The following LPCAT1 variants were observed in gnomAD, a reference collection of about 807,000 sequenced individuals.
LPCAT1 encodes lysophosphatidylcholine acyltransferase 1, also known as 1-acylglycerol-3-phosphate O-acyltransferase.
A neutral mutation model predicts 60.9 loss-of-function variants in LPCAT1; 23 were observed. The ratio of observed to expected loss-of-function variants is 0.38; its 90% CI spans 0.27 to 0.53. The LOEUF is 0.53. LPCAT1 is among the 20% of genes least tolerant of loss of function. The pLI is 0.82. For missense variants in LPCAT1, 622 were observed against 723.6 expected (o/e 0.86, Z 1.61); for synonymous variants, 340 against 301.1 (o/e 1.13, Z -1.34).
At chr5:1,513,262 T>C (rs967198943) in intron 1 of LPCAT1, among the ~76,000 whole-genome samples, 3 of 152,184 alleles carry the variant, frequency 2.0e-5, no homozygotes, top group African/African-American at 4.8e-5. Context: ...CCTGAAGGGT[T>C]TGGGACACCC....
In LPCAT1 at chr5:1,476,200, A is replaced by C. The variant is rs551025175; in HGVS notation, c.899+1204T>G. Among the ~76,000 whole-genome samples, 55 of 152,280 alleles carry C rather than the reference A, an allele frequency of 3.6e-4. No homozygotes were observed. The highest frequency in any genetic ancestry group is 1.3e-3 in the African/African-American group (54 of 41,570). On this transcript the variant is annotated intron_variant, in intron 9 of 13. Transcript: ENST00000283415. The surrounding 1 kb of genome is among the most constrained non-coding windows in gnomAD (Gnocchi z 8.6). ...CTCTTCCTCCTAAGTCCCCAAAAGT[A>C]GCCAGTATTGGCAGCAGTCCGGAGC...
intron 1 of LPCAT1, among the ~76,000 whole-genome samples, chr5:1,509,784 G>A (rs1036493997): frequency 4.6e-5 from 7 of 152,180 alleles, no homozygotes; most frequent in Admixed American, 3.3e-4. Context: ...CATAGTTAAC[G>A]ATACTAAAAG....
In LPCAT1 at chr5:1,495,489, ATAAAG is replaced by A. The variant is rs914785188; in HGVS notation, c.279-580_279-576del. ...ATTAGATGGCCAATAAATTTGGAAA[ATAAAG>A]TAAAAATCAGCCTAGGTTAACTGAA... On this transcript the variant is annotated intron_variant, in intron 2 of 13. Coordinates refer to ENST00000283415, the MANE Select transcript of LPCAT1 (RefSeq NM_024830.5). The surrounding 1 kb of genome is among the most constrained non-coding windows in gnomAD (Gnocchi z 4.7). 6.6e-6 allele frequency among the ~76,000 whole-genome samples: 1 copy of A among 152,174 alleles called. No homozygotes were observed. The highest frequency in any genetic ancestry group is 1.5e-5 in the Non-Finnish European group (1 of 68,030).
At chr5:1,479,993 C>T (rs924711184) in intron 7 of LPCAT1, among the ~76,000 whole-genome samples, 2 of 151,998 alleles carry the variant, frequency 1.3e-5, no homozygotes, top group Admixed American at 6.5e-5. Flanking sequence ...TGTCCCTCCT[C>T]GCTGTCCCCA....
chr5:1,483,378 G>A lies in LPCAT1; in HGVS notation c.726+50C>T, dbSNP rs369834513. 86 of 1,591,628 alleles carry A rather than the reference G, an allele frequency of 5.4e-5. No homozygotes were observed. Among genetic ancestry groups the A allele is most frequent in the Admixed American group, 1.0e-4 (6 of 59,970 alleles). On this transcript the variant is annotated intron_variant, in intron 6 of 13. Transcript: ENST00000283415. The surrounding 1 kb of genome is among the most constrained non-coding windows in gnomAD (Gnocchi z 9.2). ...TGCACAGAGGCAGCTCGCAGTTCCC[G>A]TTTCCCGGAGAATTCCCCTGGAAGC...
intron 1 of LPCAT1, among the ~76,000 whole-genome samples, chr5:1,515,120 T>TG (rs1473222272): frequency 6.7e-6 from 1 of 149,726 alleles, no homozygotes; most frequent in African/African-American, 2.5e-5. Flanking sequence ...GTCCCCAGCC[T>TG]GCTGGCCCTT....
chr5:1,495,060 T>A lies in LPCAT1; in HGVS notation c.279-146A>T, dbSNP rs987394493. ...TGGTCGCCGCCGCTGGGACATCTGCTTGAGGGAAGAAAAGACGCCGCGCCT... is the reference window on the plus strand; with the variant it reads ...TGGTCGCCGCCGCTGGGACATCTGCATGAGGGAAGAAAAGACGCCGCGCCT... On this transcript the variant is annotated intron_variant, in intron 2 of 13. Coordinates refer to ENST00000283415, the MANE Select transcript of LPCAT1 (RefSeq NM_024830.5). This position sits in a 1 kb window ranked among gnomAD's most constrained non-coding sequence, Gnocchi z 4.7. The A allele has an allele frequency of 1.3e-5, 9 of 712,668 alleles. No individual in the cohort carries two copies. The African/African-American group carries it at 1.6e-4, about 13-fold the overall frequency. 44.1% of individuals were successfully genotyped at this position (712,668 alleles called of 1,614,324 possible).
At chr5:1,514,551 C>T (rs1388672963) in intron 1 of LPCAT1, among the ~76,000 whole-genome samples, 1 of 152,208 alleles carries the variant, frequency 6.6e-6, no homozygotes, top group Non-Finnish European at 1.5e-5. Context: ...AACCAAACGC[C>T]CCACACCCTG....
In LPCAT1 at chr5:1,502,475, G is replaced by A. The variant is rs1000125181; in HGVS notation, c.136-872C>T. Among the ~76,000 whole-genome samples the A allele has an allele frequency of 2.0e-5, 3 of 152,200 alleles. No homozygotes were observed. The highest frequency in any genetic ancestry group is 7.2e-5 in the African/African-American group (3 of 41,444). ...AGTCAATGGAAGACCCGGCGCAGGA[G>A]AGTGAACTGGCGGGAGGGCAGGGGC... On this transcript the variant is annotated intron_variant, in intron 1 of 13. Transcript: ENST00000283415. This position sits in a 1 kb window ranked among gnomAD's most constrained non-coding sequence, Gnocchi z 5.5.
At chr5:1,507,254 G>A (rs2126603535) in intron 1 of LPCAT1, among the ~76,000 whole-genome samples, 1 of 152,330 alleles carries the variant, frequency 6.6e-6, no homozygotes, top group South Asian at 2.1e-4. Flanking sequence ...AGCTGCTGAT[G>A]GCTGTGGGCC....
chr5:1,492,856 C>T (rs56216638), intron 3 of LPCAT1, among the ~76,000 whole-genome samples: 37,926 of 152,226 alleles, frequency 0.25, 5,144 homozygotes, highest in African/African-American at 0.35. Context: ...GGTGGGCCAG[C>T]CCCCCTGTCC....
chr5:1,478,123 T>C (rs1163590704), intron 8 of LPCAT1, among the ~76,000 whole-genome samples: 1 of 152,266 alleles, frequency 6.6e-6, no homozygotes, highest in Non-Finnish European at 1.5e-5. Context: ...ATTGGCAGCG[T>C]TTTGCCACCT....
In LPCAT1 at chr5:1,480,982, G is replaced by A; in HGVS notation, c.727-6C>T. On this transcript the variant is annotated splice_region_variant and splice_polypyrimidine_tract_variant and intron_variant, in intron 6 of 13. Coordinates refer to ENST00000283415, the MANE Select transcript of LPCAT1 (RefSeq NM_024830.5). The surrounding 1 kb of genome is among the most constrained non-coding windows in gnomAD (Gnocchi z 6.4). ...CACGTCCATGTGATGGTGTCCTGGG[G>A]AGGAAGAGGCAGGGTCAGTCAGCAT... 6.2e-7 allele frequency: 1 copy of A among 1,613,698 alleles called. No individual in the cohort carries two copies. Among genetic ancestry groups the A allele is most frequent in the Middle Eastern group, 1.7e-4 (1 of 6,060 alleles).
At chr5:1,498,464 G>A (rs1057487324) in intron 2 of LPCAT1, among the ~76,000 whole-genome samples, 1 of 152,162 alleles carries the variant, frequency 6.6e-6, no homozygotes, top group Non-Finnish European at 1.5e-5. Context: ...ACAAGCATCC[G>A]TGCATACTCC....
chr5:1,502,567 G>A lies in LPCAT1; in HGVS notation c.136-964C>T, dbSNP rs551064303. ...GCAGGCCCCCACGCCAGGGAAGGCC[G>A]AGGCTGCGGGATCCCAGGCAGCCCA... On this transcript the variant is annotated intron_variant, in intron 1 of 13. Transcript: ENST00000283415. The surrounding 1 kb of genome is among the most constrained non-coding windows in gnomAD (Gnocchi z 5.5). Among the ~76,000 whole-genome samples the A allele has an allele frequency of 2.0e-5, 3 of 152,314 alleles. No homozygotes were observed. Among genetic ancestry groups the A allele is most frequent in the Admixed American group, 1.3e-4 (2 of 15,300 alleles).
chr5:1,463,995 C>T (rs118103887), intron 13 of LPCAT1, among the ~76,000 whole-genome samples, 160 bp from the exon 14 acceptor site: 1 of 152,348 alleles, frequency 6.6e-6, no homozygotes, highest in Non-Finnish European at 1.5e-5. Flanking sequence ...GAGAGAAGAA[C>T]TTGCGCTTAC....
At chr5:1,482,057 G>A (rs1453858957) in intron 6 of LPCAT1, among the ~76,000 whole-genome samples, 1 of 152,156 alleles carries the variant, frequency 6.6e-6, no homozygotes, top group African/African-American at 2.4e-5. Flanking sequence ...CGGGAAGCTC[G>A]CTGTGATGGG....
At chr5:1,506,046 G>A (rs139702649) in intron 1 of LPCAT1, among the ~76,000 whole-genome samples, 23 of 152,384 alleles carry the variant, frequency 1.5e-4, no homozygotes, top group African/African-American at 5.0e-4. Flanking sequence ...AAGGAGAGGG[G>A]CCTGTGGGCC....
intron 1 of LPCAT1, among the ~76,000 whole-genome samples, chr5:1,509,649 G>A (rs1442284361): frequency 6.6e-6 from 1 of 152,132 alleles, no homozygotes; most frequent in Non-Finnish European, 1.5e-5. Context: ...GGCAGCAGCA[G>A]GAAACGCCCT....
Sources: gnomAD v4.1 joint callset for allele counts (sites outside exome capture counted in the v4.1 genomes callset) on GRCh38, gnomAD v4.1.1 for gene constraint, Gnocchi (gnomAD v3.1) non-coding constraint, MANE v1.5 for transcripts, NCBI Gene and HGNC (gene_info 2026-07-23, HGNC 2026-07-21) for gene names.